CPQ: variants seen among roughly 807,000 people sequenced by gnomAD.
CPQ encodes carboxypeptidase Q, also known as Ser-Met dipeptidase.
In CPQ, 37 loss-of-function variants were observed where a neutral mutation model predicts 45.7. That is an observed-to-expected ratio of 0.81 (90% CI 0.62 to 1.07). The LOEUF (loss-of-function observed/expected upper bound fraction) is 1.07. Ranked by LOEUF, CPQ falls within the 50% of genes least tolerant of loss-of-function variation. CPQ has a pLI of 0.00. For missense variants in CPQ, 537 were observed against 572.9 expected (o/e 0.94, Z 0.64); for synonymous variants, 186 against 205.8 (o/e 0.90, Z 0.82).
intron 3 of CPQ, among the ~76,000 whole-genome samples, chr8:96,864,646 C>T (rs1362840897): frequency 6.6e-6 from 1 of 152,070 alleles, no homozygotes; most frequent in Non-Finnish European, 1.5e-5. Flanking sequence ...ATATCCCATT[C>T]ACTGCCATAT....
intron 1 of CPQ, among the ~76,000 whole-genome samples, chr8:96,704,503 G>T (rs113968911): frequency 5.9e-5 from 9 of 152,110 alleles, no homozygotes; most frequent in Admixed American, 6.6e-5. Flanking sequence ...AACTTTGAAG[G>T]AGTAAGCAGC....
chr8:96,656,642 A>G (rs894585624), intron 1 of CPQ, among the ~76,000 whole-genome samples: 4 of 152,156 alleles, frequency 2.6e-5, no homozygotes, highest in Non-Finnish European at 5.9e-5. Flanking sequence ...ATCCACAGAA[A>G]TGCCCTGTGA....
At chr8:96,859,698 G>T (rs1294844140) in intron 3 of CPQ, among the ~76,000 whole-genome samples, 1 of 152,060 alleles carries the variant, frequency 6.6e-6, no homozygotes, top group East Asian at 1.9e-4. Context: ...ATGTTGGCCT[G>T]CCATGAACAA....
intron 5 of CPQ, among the ~76,000 whole-genome samples, chr8:96,985,615 A>AG (rs939250025): frequency 6.6e-6 from 1 of 152,210 alleles, no homozygotes; most frequent in Non-Finnish European, 1.5e-5. Context: ...TGAAATAATG[A>AG]GGAAGGGGTG....
At chr8:97,078,794 T>C (rs1015579151) in intron 7 of CPQ, among the ~76,000 whole-genome samples, 2 of 150,780 alleles carry the variant, frequency 1.3e-5, no homozygotes, top group African/African-American at 4.9e-5. Context: ...TCTCTCTCTC[T>C]CTCTCTCTCT....
At chr8:96,885,973 C>A (rs1293868169) in intron 4 of CPQ, among the ~76,000 whole-genome samples, 9 of 124,788 alleles carry the variant, frequency 7.2e-5, no homozygotes, top group African/African-American at 2.6e-4. Flanking sequence ...GGGACTCCAT[C>A]TCAACAGAAA....
At chr8:96,671,185 C>T (rs1808997125) in intron 1 of CPQ, among the ~76,000 whole-genome samples, 1 of 152,170 alleles carries the variant, frequency 6.6e-6, no homozygotes, top group African/African-American at 2.4e-5. Context: ...AACCTTAAGT[C>T]TTTTTGTCAA....
chr8:96,662,517 C>A (rs1255258692), intron 1 of CPQ, among the ~76,000 whole-genome samples: 3 of 152,146 alleles, frequency 2.0e-5, no homozygotes, highest in Non-Finnish European at 4.4e-5. Flanking sequence ...TGAAGAACTG[C>A]ATCCTTAAAG....
At chr8:97,008,588 C>T (rs914185471) in intron 5 of CPQ, among the ~76,000 whole-genome samples, 6 of 152,254 alleles carry the variant, frequency 3.9e-5, no homozygotes, top group Non-Finnish European at 8.8e-5. Flanking sequence ...CTACTGGGCA[C>T]ACTGAGGGAA....
chr8:96,789,678 A>G lies in CPQ; in HGVS notation c.433+4348A>G, dbSNP rs183856713. On this transcript the variant is annotated intron_variant, in intron 2 of 7. Transcript: ENST00000220763. ...TCACTTCTGAGAGGGTGCGGCCTTG[A>G]GCATGCACACAGCCTTCCAGATTAC... Among the ~76,000 whole-genome samples the G allele has an allele frequency of 2.3e-3, 349 of 152,272 alleles. 4 individuals are homozygous for G. Among genetic ancestry groups the G allele is most frequent in the African/African-American group, 8.2e-3 (341 of 41,564 alleles).
At chr8:97,058,807 T>C (rs1278274358) in intron 6 of CPQ, among the ~76,000 whole-genome samples, 1 of 152,190 alleles carries the variant, frequency 6.6e-6, no homozygotes, top group Non-Finnish European at 1.5e-5. Flanking sequence ...CTACTTCTAT[T>C]ATTATTATAT....
At chr8:96,817,381 T>C (rs1811241945) in intron 2 of CPQ, among the ~76,000 whole-genome samples, 3 of 152,248 alleles carry the variant, frequency 2.0e-5, no homozygotes, top group South Asian at 4.1e-4. Context: ...ATAACAGATA[T>C]AGTAAAAATG....
At chr8:96,804,594 A>G (rs540870297) in intron 2 of CPQ, among the ~76,000 whole-genome samples, 3 of 152,210 alleles carry the variant, frequency 2.0e-5, no homozygotes, top group East Asian at 3.9e-4. Flanking sequence ...AAAAAATCTA[A>G]TAAACCAAAC....
At chr8:96,895,878 G>T (rs1443604258) in intron 4 of CPQ, among the ~76,000 whole-genome samples, 1 of 152,136 alleles carries the variant, frequency 6.6e-6, no homozygotes, top group Non-Finnish European at 1.5e-5. Flanking sequence ...GTTAATGCAT[G>T]TTCTTCCTTA....
chr8:96,761,398 T>C (rs1398871849), intron 1 of CPQ: 1 of 152,250 alleles, frequency 6.6e-6, no homozygotes, highest in Non-Finnish European at 1.5e-5. Flanking sequence ...TTAGTGTTCC[T>C]CTCCCAGTGG....
At chr8:96,854,250 G>A (rs1286169765) in intron 3 of CPQ, among the ~76,000 whole-genome samples, 1 of 152,048 alleles carries the variant, frequency 6.6e-6, no homozygotes, top group African/African-American at 2.4e-5. Flanking sequence ...AAACAATGTG[G>A]GCCGGGCGCG....
chr8:97,006,421 C>T (rs1809384592), intron 5 of CPQ, among the ~76,000 whole-genome samples: 1 of 152,096 alleles, frequency 6.6e-6, no homozygotes, highest in African/African-American at 2.4e-5. Context: ...TACCACTTCA[C>T]CTTTTATAGT....
intron 6 of CPQ, among the ~76,000 whole-genome samples, chr8:97,042,217 G>A (rs375415061): frequency 2.4e-4 from 36 of 152,066 alleles, no homozygotes; most frequent in Non-Finnish European, 4.6e-4. Flanking sequence ...GTCTTGGGAG[G>A]GTGTATGTGT....
At chr8:96,949,445 A>G (rs1416786501) in intron 4 of CPQ, among the ~76,000 whole-genome samples, 1 of 151,108 alleles carries the variant, frequency 6.6e-6, no homozygotes, top group African/African-American at 2.4e-5. Flanking sequence ...GATCACTTTT[A>G]TCTGGTCTGA....
Sources: allele counts gnomAD v4.1 joint callset (sites outside exome capture counted in the v4.1 genomes callset), GRCh38; gene constraint gnomAD v4.1.1; transcripts MANE v1.5; gene names NCBI Gene and HGNC (gene_info 2026-07-23, HGNC 2026-07-21).